MS4A4E: variants seen among roughly 807,000 people sequenced by gnomAD.
MS4A4E encodes membrane spanning 4-domains A4E.
MS4A4E carries 23 observed loss-of-function variants against 13.3 expected under a neutral mutation model. That is an observed-to-expected ratio of 1.73 (90% CI 1.25 to 2.45). The LOEUF is 2.45. Ranked by LOEUF, MS4A4E falls within the 30% of genes most tolerant of loss-of-function variation. The pLI is 0.00. For synonymous variants in MS4A4E, 36 were observed against 45.6 expected (o/e 0.79, Z 0.85); for missense variants, 144 against 131.2 (o/e 1.10, Z -0.48).
In MS4A4E at chr11:60,217,874, T is replaced by C. The variant is rs568176530; in HGVS notation, c.179-3260A>G. ...TTGTACAGCATGTGTGTTTAAACAA[T>C]ATGAAATCTGGGCACCTTGAAAAAA... On this transcript the variant is annotated intron_variant, in intron 3 of 8. Transcript: ENST00000651255. Among the ~76,000 whole-genome samples, 15 of 152,262 alleles carry C rather than the reference T, an allele frequency of 9.9e-5. No homozygotes were observed. The East Asian group carries it at 2.9e-3, about 29-fold the overall frequency.
chr11:60,229,447 A>G (rs532901370), intron 2 of MS4A4E, among the ~76,000 whole-genome samples: 6 of 152,282 alleles, frequency 3.9e-5, no homozygotes, highest in African/African-American at 1.4e-4. Flanking sequence ...TTAATTCTAT[A>G]TTGTTTTTAG....
At chr11:60,219,761 G>C (rs112945486) in intron 3 of MS4A4E, among the ~76,000 whole-genome samples, 2,559 of 152,308 alleles carry the variant, frequency 0.017, 46 homozygotes, top group Non-Finnish European at 0.029. Context: ...AAGAAAAAAT[G>C]ATCAGACCTT....
rs868491725 is a variant in MS4A4E at position 60,235,660 on chromosome 11, G to A, written c.-16-5589C>T. On this transcript the variant is annotated intron_variant, in intron 1 of 8. Transcript: ENST00000651255. ...GTTTGAAATAAATTGTCTCCCTTCC[G>A]GGACAAGTTGGTAAATGATCAAACT... Among the ~76,000 whole-genome samples, 23 of 152,256 alleles carry A rather than the reference G, an allele frequency of 1.5e-4. No homozygotes were observed. In the South Asian group the frequency reaches 4.6e-3, roughly 30 times the overall value.
chr11:60,204,643 T>C (rs987277259), intron 8 of MS4A4E, among the ~76,000 whole-genome samples: 2 of 152,236 alleles, frequency 1.3e-5, no homozygotes, highest in African/African-American at 2.4e-5. Context: ...GACAGACAGA[T>C]GCTCATCCAT....
In MS4A4E at chr11:60,226,602, A is replaced by G. The variant is rs1283871990; in HGVS notation, c.178+1992T>C. 6.6e-5 allele frequency among the ~76,000 whole-genome samples: 10 copies of G among 152,328 alleles called. No individual in the cohort carries two copies. The East Asian group carries it at 1.7e-3, about 26-fold the overall frequency. ...AAAATCCAATGCCTGTTTATTATAA[A>G]AACTTTTGAAAAACTATTAATAGAG... On this transcript the variant is annotated intron_variant, in intron 3 of 8. Transcript: ENST00000651255.
chr11:60,203,707 C>A (rs953042310), intron 8 of MS4A4E, among the ~76,000 whole-genome samples: 3 of 152,136 alleles, frequency 2.0e-5, no homozygotes, highest in Admixed American at 6.5e-5. Context: ...CAAGATCATA[C>A]CCCTGCAATC....
intron 5 of MS4A4E, among the ~76,000 whole-genome samples, chr11:60,210,175 G>A (rs140798017): frequency 5.2e-4 from 79 of 152,286 alleles, no homozygotes; most frequent in Admixed American, 8.5e-4. Context: ...AAATGGGTTC[G>A]TTACATTTCA....
intron 1 of MS4A4E, among the ~76,000 whole-genome samples, chr11:60,231,625 T>C (rs1170264953): frequency 6.6e-6 from 1 of 152,134 alleles, no homozygotes; most frequent in East Asian, 1.9e-4. Flanking sequence ...ATTATACTTA[T>C]CAAAGATAAG....
At chr11:60,234,010 A>G (rs1368625033) in intron 1 of MS4A4E, among the ~76,000 whole-genome samples, 1 of 152,214 alleles carries the variant, frequency 6.6e-6, no homozygotes, top group Non-Finnish European at 1.5e-5. Flanking sequence ...TTAAAACATA[A>G]TTCTGTTTTC....
intron 3 of MS4A4E, among the ~76,000 whole-genome samples, chr11:60,225,321 A>G (rs1306284383): frequency 6.6e-6 from 1 of 152,190 alleles, no homozygotes; most frequent in Non-Finnish European, 1.5e-5. Context: ...TAAAAGGAGT[A>G]TGCCAGAACC....
At chr11:60,241,079 A>T (rs2084543517) in intron 1 of MS4A4E, among the ~76,000 whole-genome samples, 1 of 152,142 alleles carries the variant, frequency 6.6e-6, no homozygotes, top group Non-Finnish European at 1.5e-5. Context: ...GCTGGCGTGC[A>T]GTGGTGCAAT....
intron 3 of MS4A4E, among the ~76,000 whole-genome samples, chr11:60,226,338 G>T (rs1175533053): frequency 6.6e-6 from 1 of 150,538 alleles, no homozygotes; most frequent in Non-Finnish European, 1.5e-5. Flanking sequence ...TACAAGAAAA[G>T]AAAACTGCAG....
chr11:60,210,644 C>T (rs937684867), intron 5 of MS4A4E, among the ~76,000 whole-genome samples: 5 of 152,106 alleles, frequency 3.3e-5, no homozygotes, highest in African/African-American at 4.8e-5. Flanking sequence ...CTTTTTCTTC[C>T]AGGAGAACCA....
At chr11:60,230,652 A>T (rs192672066) in intron 1 of MS4A4E, among the ~76,000 whole-genome samples, 268 of 152,266 alleles carry the variant, frequency 1.8e-3, no homozygotes, top group African/African-American at 6.3e-3. Context: ...CTCTTTTCCT[A>T]TTACAGTGCT....
rs185816596 is a variant in MS4A4E at position 60,237,445 on chromosome 11, T to G, written c.-17+5513A>C. On this transcript the variant is annotated intron_variant, in intron 1 of 8. Transcript: ENST00000651255. ...TGTCTTTAAAATAGAATGATTTCTA[T>G]TCCTTTGGGTATATACCCACGGTGG... Among the ~76,000 whole-genome samples, 182 of 152,318 alleles carry G rather than the reference T, an allele frequency of 1.2e-3. 1 individual carries two copies. Among genetic ancestry groups the G allele is most frequent in the Non-Finnish European group, 2.0e-3 (138 of 68,020 alleles).
At chr11:60,203,039 T>C (rs1348550879) in intron 8 of MS4A4E, among the ~76,000 whole-genome samples, 1 of 152,192 alleles carries the variant, frequency 6.6e-6, no homozygotes, top group Admixed American at 6.5e-5. Context: ...TTGTGTCCCA[T>C]ATGGACATTA....
chr11:60,233,928 G>A (rs763924796), intron 1 of MS4A4E, among the ~76,000 whole-genome samples: 2 of 152,188 alleles, frequency 1.3e-5, no homozygotes, highest in Non-Finnish European at 2.9e-5. Context: ...TGGGAGCAGG[G>A]TCATGTCTGA....
At chr11:60,238,974 T>C (rs1021054797) in intron 1 of MS4A4E, among the ~76,000 whole-genome samples, 2 of 152,172 alleles carry the variant, frequency 1.3e-5, no homozygotes, top group Admixed American at 1.3e-4. Context: ...AATAAAAACA[T>C]ATGTCCACAC....
intron 1 of MS4A4E, among the ~76,000 whole-genome samples, chr11:60,230,706 A>T (rs911229599): frequency 6.6e-6 from 1 of 152,184 alleles, no homozygotes; most frequent in Non-Finnish European, 1.5e-5. Context: ...ACATAAAGCC[A>T]TTTTTTGAAA....
Sources: allele counts gnomAD v4.1 joint callset (sites outside exome capture counted in the v4.1 genomes callset), GRCh38; gene constraint gnomAD v4.1.1; transcripts MANE v1.5; gene names NCBI Gene and HGNC (gene_info 2026-07-23, HGNC 2026-07-21).